Variants in NBAS observed in about 807,000 individuals in gnomAD.
NBAS encodes the protein NBAS subunit of NRZ tethering complex.
NBAS carries 219 observed loss-of-function variants against 302.5 expected under a neutral mutation model. That is an observed-to-expected ratio of 0.72 (90% CI 0.65 to 0.81). NBAS has a LOEUF of 0.81. Ranked by LOEUF, NBAS falls within the 30% of genes least tolerant of loss-of-function variation. The probability of loss-of-function intolerance (pLI) is 0.00; values close to 1 mark genes in which losing one functional copy is unlikely to be tolerated. For synonymous variants in NBAS, 1,118 were observed against 1,021.6 expected, an observed-to-expected ratio of 1.09 and a Z score of -1.80; for missense variants, 2,932 against 2,841.6, an observed-to-expected ratio of 1.03 and a Z score of -0.72.
At chr2:15,064,587 A>G in the NBAS span, among the ~76,000 whole-genome samples, 1 of 152,202 alleles carries the variant, frequency 6.6e-6, no homozygotes, top group Non-Finnish European at 1.5e-5. Context: ...AAATCTGGCC[A>G]ACAAAGAAAA....
At chr2:15,350,349 G>C (rs1673293569) in intron 35 of NBAS, among the ~76,000 whole-genome samples, 1 of 151,986 alleles carries the variant, frequency 6.6e-6, no homozygotes, top group Non-Finnish European at 1.5e-5. Flanking sequence ...AAAAATAAAG[G>C]ATATTTTACA....
At chr2:14,935,747 G>T in the NBAS span, among the ~76,000 whole-genome samples, 1 of 152,206 alleles carries the variant, frequency 6.6e-6, no homozygotes, top group Non-Finnish European at 1.5e-5. Flanking sequence ...GAGTCTGCAT[G>T]TGTGCCCTCT....
intron 44 of NBAS, among the ~76,000 whole-genome samples, chr2:15,273,674 C>T (rs963446758): frequency 2.0e-5 from 3 of 152,144 alleles, no homozygotes; most frequent in African/African-American, 7.2e-5. Context: ...AGAGAGATAC[C>T]TGAAGCTAAA....
chr2:14,980,309 G>C, the NBAS span, among the ~76,000 whole-genome samples: 26 of 152,188 alleles, frequency 1.7e-4, no homozygotes, highest in South Asian at 2.7e-3. Context: ...GTTGGTCCTT[G>C]GAAGGAACTA....
intron 50 of NBAS, among the ~76,000 whole-genome samples, chr2:15,183,592 C>G (rs940580142): frequency 7.9e-5 from 12 of 152,226 alleles, no homozygotes; most frequent in Admixed American, 3.3e-4. Flanking sequence ...TCTCATCCAG[C>G]TTAACCTCTT....
At chr2:15,361,180 G>A (rs1673903140) in intron 32 of NBAS, among the ~76,000 whole-genome samples, 1 of 152,142 alleles carries the variant, frequency 6.6e-6, no homozygotes, top group South Asian at 2.1e-4. Flanking sequence ...AAAATTTCAT[G>A]TACCATTGCT....
At chr2:15,020,175 G>T in the NBAS span, among the ~76,000 whole-genome samples, 1 of 152,158 alleles carries the variant, frequency 6.6e-6, no homozygotes, top group African/African-American at 2.4e-5. Flanking sequence ...GTTTCCAAAG[G>T]AAGAAAGGGC....
In NBAS at chr2:15,553,423, T is replaced by C. The variant is rs768248063; in HGVS notation, c.335+3A>G. 1.9e-6 allele frequency: 3 copies of C among 1,604,508 alleles called. No individual in the cohort carries two copies. Among genetic ancestry groups the C allele is most frequent in the Non-Finnish European group, 2.6e-6 (3 of 1,171,440 alleles). The stretch of plus-strand genomic sequence containing the variant: ...CTTGAATATGAATAATATTAACAAT[T>C]ACCTGATTTCCACACACTGATCTTG... On this transcript the variant is annotated splice_donor_region_variant and intron_variant, in intron 5 of 51. Coordinates refer to ENST00000281513, the MANE Select transcript of NBAS (RefSeq NM_015909.4).
At chr2:15,401,326 C>A (rs372049216) in intron 26 of NBAS, among the ~76,000 whole-genome samples, 3 of 151,452 alleles carry the variant, frequency 2.0e-5, no homozygotes, top group African/African-American at 7.3e-5. Context: ...GATATGAGCC[C>A]CCCCTCCCAA....
chr2:15,047,832 T>TG, the NBAS span, among the ~76,000 whole-genome samples: 1 of 152,370 alleles, frequency 6.6e-6, no homozygotes, highest in African/African-American at 2.4e-5. Flanking sequence ...GCTAATCACT[T>TG]GCTGTGTGAC....
chr2:15,196,447 T>C (rs1559041), intron 48 of NBAS, among the ~76,000 whole-genome samples: 88,748 of 152,078 alleles, frequency 0.58, 28,284 homozygotes, highest in African/African-American at 0.82. Flanking sequence ...CACCAGAAAT[T>C]GCTCTGTATT....
the NBAS span, among the ~76,000 whole-genome samples, chr2:15,033,362 G>A: frequency 8.5e-5 from 13 of 152,154 alleles, no homozygotes; most frequent in Middle Eastern, 6.8e-3. Context: ...GATTAATCAC[G>A]CCTTGAGTTT....
At chr2:15,248,584 AAG>A (rs1266684877) in intron 44 of NBAS, among the ~76,000 whole-genome samples, 1 of 152,198 alleles carries the variant, frequency 6.6e-6, no homozygotes, top group Non-Finnish European at 1.5e-5. Context: ...TAAAGAATAA[AAG>A]AAGAATCAAA....
chr2:14,926,372 G>A, the NBAS span, among the ~76,000 whole-genome samples: 9 of 152,154 alleles, frequency 5.9e-5, no homozygotes, highest in Non-Finnish European at 1.2e-4. Context: ...GCAAAAGGGA[G>A]CCTTGATTAA....
chr2:15,304,442 T>G (rs1670941326), intron 40 of NBAS, among the ~76,000 whole-genome samples: 1 of 152,186 alleles, frequency 6.6e-6, no homozygotes, highest in Admixed American at 6.5e-5. Context: ...AAATTAATAC[T>G]GCAGAAAGTG....
At chr2:15,509,007 G>T (rs1418385948) in intron 10 of NBAS, among the ~76,000 whole-genome samples, 5 of 151,846 alleles carry the variant, frequency 3.3e-5, no homozygotes, top group African/African-American at 9.7e-5. Context: ...AACTTCTTCA[G>T]ACTCTAAGAT....
chr2:14,779,139 A>G, the NBAS span, among the ~76,000 whole-genome samples: 1 of 152,186 alleles, frequency 6.6e-6, no homozygotes, highest in Non-Finnish European at 1.5e-5. Flanking sequence ...GAACACCAAT[A>G]TCCAGGAGCT....
chr2:14,907,301 G>C, the NBAS span, among the ~76,000 whole-genome samples: 4 of 152,178 alleles, frequency 2.6e-5, no homozygotes, highest in African/African-American at 7.2e-5. Context: ...TCGGAAGATG[G>C]GAGCTCTGGC....
chr2:15,317,260 A>T (rs1671558067), intron 38 of NBAS, among the ~76,000 whole-genome samples: 1 of 152,232 alleles, frequency 6.6e-6, no homozygotes, highest in African/African-American at 2.4e-5. Flanking sequence ...AACATCAATG[A>T]CCAAAGGTAG....
Sources: allele counts gnomAD v4.1 joint callset (sites outside exome capture counted in the v4.1 genomes callset), GRCh38; gene constraint gnomAD v4.1.1; transcripts MANE v1.5; gene names NCBI Gene and HGNC (gene_info 2026-07-23, HGNC 2026-07-21).